NAALADL2: variants seen among roughly 807,000 people sequenced by gnomAD.
NAALADL2 encodes N-acetylated alpha-linked acidic dipeptidase like 2, also known as inactive N-acetylated-alpha-linked acidic dipeptidase-like protein 2.
In NAALADL2, 76 loss-of-function variants were observed where a neutral mutation model predicts 87.2. The observed-to-expected ratio is 0.87, with a 90% CI of 0.72 to 1.05. The LOEUF (loss-of-function observed/expected upper bound fraction) is 1.05, where lower values mean the gene tolerates loss of function less well. NAALADL2 is among the 50% of genes least tolerant of loss of function. The probability of loss-of-function intolerance (pLI) is 0.00; values close to 1 mark genes in which losing one functional copy is unlikely to be tolerated. For missense variants in NAALADL2, 1,089 were observed against 945.8 expected, an observed-to-expected ratio of 1.15 and a Z score of -1.99; for synonymous variants, 354 against 331.0, an observed-to-expected ratio of 1.07 and a Z score of -0.75.
intron 4 of NAALADL2, among the ~76,000 whole-genome samples, chr3:175,311,325 C>T (rs1758338979): frequency 6.6e-6 from 1 of 151,054 alleles, no homozygotes; most frequent in South Asian, 2.1e-4. Context: ...TCTATAAAGT[C>T]ACATTATTAT....
intron 2 of NAALADL2, among the ~76,000 whole-genome samples, chr3:174,588,286 T>C (rs1000511112): frequency 1.3e-5 from 2 of 152,096 alleles, no homozygotes; most frequent in Non-Finnish European, 2.9e-5. Flanking sequence ...TTTTTCAAGG[T>C]TTTTAGCTTC....
At chr3:174,449,118 C>T (rs567398853) in intron 1 of NAALADL2, among the ~76,000 whole-genome samples, 52 of 152,154 alleles carry the variant, frequency 3.4e-4, no homozygotes, top group South Asian at 6.2e-4. Context: ...TTTGATAATT[C>T]GAGGTTAGAC....
intron 1 of NAALADL2, among the ~76,000 whole-genome samples, chr3:174,901,890 A>G (rs1732355526): frequency 6.6e-6 from 1 of 152,198 alleles, no homozygotes; most frequent in African/African-American, 2.4e-5. Flanking sequence ...TGGCCCCAGG[A>G]TTAGCTTCCT....
intron 1 of NAALADL2, among the ~76,000 whole-genome samples, chr3:175,071,912 T>C (rs1186768520): frequency 6.6e-6 from 1 of 152,100 alleles, no homozygotes; most frequent in Non-Finnish European, 1.5e-5. Flanking sequence ...CTCTGGTATT[T>C]TTTTCATATC....
chr3:175,761,161 G>C (rs1689986748), intron 13 of NAALADL2, among the ~76,000 whole-genome samples: 1 of 151,788 alleles, frequency 6.6e-6, no homozygotes, highest in Non-Finnish European at 1.5e-5. Context: ...CACTGTTGCA[G>C]GGTCATATAG....
chr3:174,473,671 C>T (rs1220450852), intron 1 of NAALADL2, among the ~76,000 whole-genome samples: 8 of 151,578 alleles, frequency 5.3e-5, no homozygotes, highest in Non-Finnish European at 8.8e-5. Context: ...TCTTTTTTTT[C>T]ATAGGGAGAG....
At chr3:175,201,127 A>G (rs1455827367) in intron 2 of NAALADL2, among the ~76,000 whole-genome samples, 2 of 152,108 alleles carry the variant, frequency 1.3e-5, no homozygotes, top group African/African-American at 4.8e-5. Flanking sequence ...ATGTCTATGT[A>G]CCTGTGGAAT....
chr3:175,330,221 C>T (rs1014649362), intron 5 of NAALADL2, among the ~76,000 whole-genome samples: 8 of 152,132 alleles, frequency 5.3e-5, no homozygotes, highest in East Asian at 1.9e-4. Context: ...ATTGAAACAA[C>T]GATATGATTA....
intron 1 of NAALADL2, among the ~76,000 whole-genome samples, chr3:175,012,674 C>T (rs950106836): frequency 6.6e-6 from 1 of 152,008 alleles, no homozygotes; most frequent in African/African-American, 2.4e-5. Context: ...CACAGCCATG[C>T]CTATGCATTT....
In NAALADL2 at chr3:174,548,544, C is replaced by T. The variant is rs530959299; in HGVS notation, c.-183-2025C>T. ...ACAAAAAGCATATGGTCTTTAAAAA[C>T]AGACAGAAAAACAGAAAAAAAAATC... On this transcript the variant is annotated intron_variant, in intron 1 of 3. Coordinates refer to the NAALADL2 transcript ENST00000434257. Among the ~76,000 whole-genome samples the T allele has an allele frequency of 2.0e-5, 3 of 152,108 alleles. No individual in the cohort carries two copies. In the South Asian group the frequency reaches 6.2e-4, roughly 32 times the overall value.
rs555296290 is a variant in NAALADL2, at chr3:175,580,914, T to A, written c.1800+4727T>A. Among the ~76,000 whole-genome samples the A allele has an allele frequency of 5.8e-4, 89 of 152,208 alleles. 1 individual carries two copies. Among genetic ancestry groups the A allele is most frequent in the African/African-American group, 2.0e-3 (85 of 41,544 alleles). On this transcript the variant is annotated intron_variant, in intron 10 of 13. Coordinates refer to ENST00000454872, the MANE Select transcript of NAALADL2 (RefSeq NM_207015.3). ...TCCTCAAAACAGAGTTTTGATTATA[T>A]GGTAATATCTACATAGTAGAAACTA... is the stretch of plus-strand genomic sequence containing the variant.
chr3:175,693,347 G>A (rs1038589580), intron 11 of NAALADL2, among the ~76,000 whole-genome samples: 1 of 152,078 alleles, frequency 6.6e-6, no homozygotes, highest in African/African-American at 2.4e-5. Context: ...TATTTGATAT[G>A]GCTAAATTCC....
At chr3:174,595,122 C>G (rs1263669135) in intron 2 of NAALADL2, among the ~76,000 whole-genome samples, 1 of 152,152 alleles carries the variant, frequency 6.6e-6, no homozygotes, top group South Asian at 2.1e-4. Flanking sequence ...TTCTAGCTAC[C>G]CATATTCAGT....
At chr3:175,781,594 T>A (rs1310842377) in intron 13 of NAALADL2, among the ~76,000 whole-genome samples, 1 of 151,852 alleles carries the variant, frequency 6.6e-6, no homozygotes, top group Non-Finnish European at 1.5e-5. Context: ...TATAAAAAAA[T>A]TGATGATACT....
chr3:175,324,404 A>C (rs935977037), intron 5 of NAALADL2, 79 bp downstream of exon 5: 2 of 1,088,356 alleles, frequency 1.8e-6, no homozygotes, highest in African/African-American at 3.2e-5. Flanking sequence ...GCTATCTATC[A>C]GGAATAGTGA....
intron 11 of NAALADL2, among the ~76,000 whole-genome samples, chr3:175,694,189 A>G (rs1179405776): frequency 6.6e-6 from 1 of 152,300 alleles, no homozygotes; most frequent in Non-Finnish European, 1.5e-5. Context: ...CAATATAGAC[A>G]TTATATAGTT....
rs376423052 is a variant in NAALADL2 at position 174,846,121 on chromosome 3, A to T, written c.-9+108375A>T. Among the ~76,000 whole-genome samples, 4 of 152,302 alleles carry T rather than the reference A, an allele frequency of 2.6e-5. No homozygotes were observed. In the East Asian group the frequency reaches 5.8e-4, roughly 22 times the overall value. ...AAAATGTGCCACTCACATCTGTGGC[A>T]GTGATGGGGACCACCAAGGGTCTCT... is the stretch of plus-strand genomic sequence containing the variant. On this transcript the variant is annotated intron_variant, in intron 3 of 3. Coordinates refer to the NAALADL2 transcript ENST00000434257.
intron 1 of NAALADL2, chr3:174,864,038 A>C (rs113220736): frequency 2.2e-4 from 100 of 455,804 alleles, no homozygotes; most frequent in African/African-American, 1.5e-3. Context: ...AACAAAATCA[A>C]GCAAATTTGG....
At chr3:175,343,005 A>C (rs1762721901) in intron 5 of NAALADL2, among the ~76,000 whole-genome samples, 1 of 152,112 alleles carries the variant, frequency 6.6e-6, no homozygotes, top group South Asian at 2.1e-4. Flanking sequence ...AAAGTTTAAA[A>C]ACACATTTTC....
Sources: allele counts gnomAD v4.1 joint callset (sites outside exome capture counted in the v4.1 genomes callset), GRCh38; gene constraint gnomAD v4.1.1; transcripts MANE v1.5; gene names NCBI Gene and HGNC (gene_info 2026-07-23, HGNC 2026-07-21).